CASQ2: variants seen among roughly 807,000 people sequenced by gnomAD.
The protein encoded by CASQ2 is calsequestrin 2.
CASQ2 carries 49 observed loss-of-function variants against 46.5 expected under a neutral mutation model. The observed-to-expected ratio is 1.05, with a 90% CI of 0.84 to 1.34. The LOEUF (loss-of-function observed/expected upper bound fraction) is 1.34, where lower values mean the gene tolerates loss of function less well. Among genes scored for constraint, CASQ2 ranks in the 40% most tolerant of loss-of-function variants. The probability of loss-of-function intolerance (pLI) is 0.00; values close to 1 mark genes in which losing one functional copy is unlikely to be tolerated. For synonymous variants in CASQ2, 174 were observed against 168.5 expected, an observed-to-expected ratio of 1.03 and a Z score of -0.25; for missense variants, 486 against 481.3, an observed-to-expected ratio of 1.01 and a Z score of -0.09.
At chr1:115,756,001 C>G (rs1200045031) in intron 1 of CASQ2, among the ~76,000 whole-genome samples, 1 of 152,194 alleles carries the variant, frequency 6.6e-6, no homozygotes, top group African/African-American at 2.4e-5. Flanking sequence ...CTGGAGGATG[C>G]TTCACTCCCT....
At chr1:115,758,115 T>A (rs9428086) in intron 1 of CASQ2, among the ~76,000 whole-genome samples, 2 of 152,120 alleles carry the variant, frequency 1.3e-5, no homozygotes, top group African/African-American at 4.8e-5. Flanking sequence ...CATGAAGCAA[T>A]CCCTTTCAGC....
At chr1:115,701,574 C>A in intron 10 of CASQ2, 148 bp from the exon 11 acceptor site, 1 of 697,638 alleles carries the variant, frequency 1.4e-6, no homozygotes, top group Non-Finnish European at 2.6e-6. Context: ...AAATGCCAAA[C>A]GGCAAAACGG....
At chr1:115,704,535 T>A (rs1193266258) in intron 9 of CASQ2, among the ~76,000 whole-genome samples, 1 of 152,234 alleles carries the variant, frequency 6.6e-6, no homozygotes, top group Non-Finnish European at 1.5e-5. Flanking sequence ...ATGCTTATTA[T>A]CAGTACCAGT....
In CASQ2 at chr1:115,701,493, G is replaced by A. The variant is rs371996323; in HGVS notation, c.1015-67C>T. The A allele has an allele frequency of 1.2e-4, 122 of 999,146 alleles. 1 individual carries two copies. The African/African-American group carries it at 1.4e-3, about 12-fold the overall frequency. The allele number at this position is 999,146 out of a possible 1,614,324, so 61.9% of individuals were successfully genotyped here. A position where few individuals can be genotyped will look rare whatever the true frequency, so the allele number is the denominator to read the frequency against. On this transcript the variant is annotated intron_variant, in intron 10 of 10. Transcript: ENST00000261448. Reference sequence around the variant, plus strand: ...GGGCTGAACCAGACCAGGGATAGCCGTGCTGAATAGCTATGCTGAGTGCCC... The same window carrying A: ...GGGCTGAACCAGACCAGGGATAGCCATGCTGAATAGCTATGCTGAGTGCCC...
At position 115,702,933 on chromosome 1, in the gene CASQ2, C is replaced by T. The variant is rs762854339; in HGVS notation, c.1002G>A (p.Val334=). ...AGGGGATACTCACATCTGTGACATT[C>T]ACCACCCCAATCTGTGGCCTGAATA... The part of the protein sequence containing the change: ...IDLFRPQIGV[V]NVTDADSVWM... Residue 334 remains valine (V), a synonymous_variant, in exon 10 of 11, where the codon GTG becomes GTA. Coordinates refer to ENST00000261448, the MANE Select transcript of CASQ2 (RefSeq NM_001232.4). 4 of 1,613,378 alleles carry T rather than the reference C, an allele frequency of 2.5e-6. No individual in the cohort carries two copies. Among genetic ancestry groups the T allele is most frequent in the Non-Finnish European group, 2.5e-6 (3 of 1,179,630 alleles).
rs1647781502 is a variant in CASQ2 at position 115,731,472 on chromosome 1, G to A, written c.606+1429C>T. Among the ~76,000 whole-genome samples the A allele has an allele frequency of 2.0e-5, 3 of 152,160 alleles. No homozygotes were observed. In the South Asian group the frequency reaches 6.2e-4, roughly 32 times the overall value. On this transcript the variant is annotated intron_variant, in intron 5 of 10. Transcript: ENST00000261448. ...TAATGGATTCAGTTTCGGCTTCTCT[G>A]TTCCTCCCTTTCTCTACTAATATCC...
chr1:115,740,626 A>C, intron 3 of CASQ2, 102 bp downstream of exon 3: 1 of 774,896 alleles, frequency 1.3e-6, no homozygotes, highest in Non-Finnish European at 2.2e-6. Context: ...CCTGTCACAG[A>C]TGAGGCCAGG....
intron 1 of CASQ2, among the ~76,000 whole-genome samples, chr1:115,765,046 T>C (rs1251859651): frequency 1.3e-5 from 2 of 152,216 alleles, no homozygotes; most frequent in Admixed American, 6.5e-5. Context: ...ATTTGCTGTT[T>C]TGCCAGTAAA....
intron 9 of CASQ2, 108 bp downstream of exon 9, chr1:115,705,084 C>T: frequency 1.2e-6 from 1 of 803,170 alleles, no homozygotes; most frequent in Non-Finnish European, 2.2e-6. Flanking sequence ...TGAGGACCGC[C>T]ACTGGGTTTC....
intron 8 of CASQ2, among the ~76,000 whole-genome samples, chr1:115,709,678 G>A (rs374672219): frequency 1.3e-5 from 2 of 152,346 alleles, no homozygotes; most frequent in African/African-American, 4.8e-5. Context: ...ATTTGTCTCT[G>A]TTGAATATTT....
intron 5 of CASQ2, among the ~76,000 whole-genome samples, chr1:115,731,557 A>G (rs1404596451): frequency 6.6e-6 from 1 of 152,196 alleles, no homozygotes; most frequent in Admixed American, 6.5e-5. Context: ...AATGGTGCTC[A>G]TAGCTGGCTA....
In CASQ2 at chr1:115,746,161, G is replaced by GTT. The variant is rs34688602; in HGVS notation, c.235-1251_235-1250dup. Reference sequence around the variant, plus strand: ...AGGTTGTTGCATGTATCGATACGCTGTTTTTTTTTTTATTGCTGAGTAGAA... The same window carrying GTT: ...AGGTTGTTGCATGTATCGATACGCTGTTTTTTTTTTTTTATTGCTGAGTAGAA... On this transcript the variant is annotated intron_variant, in intron 1 of 10. Transcript: ENST00000261448. 9.6e-3 allele frequency among the ~76,000 whole-genome samples: 1,430 copies of GTT among 148,908 alleles called. 49 individuals carry two copies. The highest frequency in any genetic ancestry group is 0.07 in the Admixed American group (1,048 of 15,074).
intron 1 of CASQ2, among the ~76,000 whole-genome samples, chr1:115,754,541 G>T (rs1648692731): frequency 6.6e-6 from 1 of 152,138 alleles, no homozygotes; most frequent in Non-Finnish European, 1.5e-5. Context: ...CCCTCATGAG[G>T]TAGAGGCTTG....
At chr1:115,732,691 C>A (rs769047741) in intron 5 of CASQ2, among the ~76,000 whole-genome samples, 36 of 152,186 alleles carry the variant, frequency 2.4e-4, no homozygotes, top group Non-Finnish European at 4.3e-4. Context: ...TGGATGTTTT[C>A]ATAAATATCC....
intron 3 of CASQ2, among the ~76,000 whole-genome samples, chr1:115,738,856 C>G (rs7540759): frequency 6.6e-6 from 1 of 150,996 alleles, no homozygotes; most frequent in African/African-American, 2.4e-5. Flanking sequence ...GCTTTGCACC[C>G]TTTGATCATT....
At chr1:115,725,331 T>G (rs1460249800) in intron 7 of CASQ2, among the ~76,000 whole-genome samples, 177 bp downstream of exon 7, 1 of 151,758 alleles carries the variant, frequency 6.6e-6, no homozygotes, top group Admixed American at 6.6e-5. Flanking sequence ...CCTCCCAGAG[T>G]GCTGGGATTA....
chr1:115,731,716 T>A (rs1216899434), intron 5 of CASQ2, among the ~76,000 whole-genome samples: 1 of 152,160 alleles, frequency 6.6e-6, no homozygotes, highest in Non-Finnish European at 1.5e-5. Flanking sequence ...AGTAACTACA[T>A]GATCATGAAA....
At chr1:115,747,655 A>G (rs1460902255) in intron 1 of CASQ2, among the ~76,000 whole-genome samples, 2 of 152,164 alleles carry the variant, frequency 1.3e-5, no homozygotes, top group Admixed American at 6.5e-5. Flanking sequence ...TTTCATCAGC[A>G]TTGTATAGTT....
intron 1 of CASQ2, among the ~76,000 whole-genome samples, chr1:115,746,155 T>C: frequency 1.0e-5 from 1 of 100,330 alleles, no homozygotes; most frequent in African/African-American, 2.7e-5. Context: ...CATGTATCGA[T>C]ACGCTGTTTT....
Sources: allele counts gnomAD v4.1 joint callset (sites outside exome capture counted in the v4.1 genomes callset), GRCh38; gene constraint gnomAD v4.1.1; transcripts MANE v1.5; gene names NCBI Gene and HGNC (gene_info 2026-07-23, HGNC 2026-07-21).